Variants in NOP9 observed in about 807,000 individuals in gnomAD.
The protein encoded by NOP9 is nucleolar protein 9.
A neutral mutation model predicts 63.0 loss-of-function variants in NOP9; 50 were observed. That is an observed-to-expected ratio of 0.79 (90% CI 0.63 to 1.00). The LOEUF is 1.00. NOP9 is among the 50% of genes least tolerant of loss of function. NOP9 has a pLI of 0.00. For synonymous variants in NOP9, 343 were observed against 332.8 expected, an observed-to-expected ratio of 1.03 and a Z score of -0.33; for missense variants, 758 against 803.0, an observed-to-expected ratio of 0.94 and a Z score of 0.68.
chr14:24,283,524 G>A, the NOP9 span, among the ~76,000 whole-genome samples: 1 of 152,090 alleles, frequency 6.6e-6, no homozygotes, highest in African/African-American at 2.4e-5. Flanking sequence ...CCCTTGAGCT[G>A]GGGAGGTACA....
rs1212443320 is a variant in NOP9 at position 24,301,694 on chromosome 14, G to A, written c.780G>A (p.Leu260=). Reference sequence around the variant, plus strand: ...CCTTTTTGAATCGCCTTCAGGACCTGAGCTCCTCCTTTCTGAAGGACATTG... The same window carrying A: ...CCTTTTTGAATCGCCTTCAGGACCTAAGCTCCTCCTTTCTGAAGGACATTG... ...PETFLNRLQD[L]SSSFLKDIAV... is the part of the protein sequence containing the mutation. The change falls in exon 3 of 10, where the codon CTG becomes CTA. Residue 260 remains leucine (L), a synonymous_variant. Transcript: ENST00000267425. 1 of 1,614,144 alleles carries A rather than the reference G, an allele frequency of 6.2e-7. No individual in the cohort carries two copies. Among genetic ancestry groups the A allele is most frequent in the Non-Finnish European group, 8.5e-7 (1 of 1,180,024 alleles).
chr14:24,283,434 CAA>C, the NOP9 span, among the ~76,000 whole-genome samples: 1 of 121,432 alleles, frequency 8.2e-6, no homozygotes, highest in African/African-American at 3.1e-5. Context: ...ACTAAAAATA[CAA>C]AAAAAAAAAA....
At chr14:24,302,206 C>T (rs761833647) in intron 4 of NOP9, 26 bp from the exon 5 acceptor site, 1 of 1,604,004 alleles carries the variant, frequency 6.2e-7, no homozygotes, top group East Asian at 2.2e-5. Context: ...GGAGTTAAGA[C>T]TGCCTGATGC....
chr14:24,287,568 A>AT, the NOP9 span, among the ~76,000 whole-genome samples: 2 of 152,158 alleles, frequency 1.3e-5, no homozygotes, highest in African/African-American at 4.8e-5. Flanking sequence ...TCTCAGTCAT[A>AT]TATCTTTACT....
At chr14:24,276,855 C>G in the NOP9 span, among the ~76,000 whole-genome samples, 13 of 152,334 alleles carry the variant, frequency 8.5e-5, no homozygotes. Context: ...TGAAAGTGCA[C>G]AAATCACAGA....
Position 24,305,798 on chromosome 14 carries a change from T to A in NOP9, c.*703T>A, listed in dbSNP as rs1349825573. ...GCAGAGACAAGAGGAAATCAGATGA[T>A]TTGGAAAACTTGGGAGGAAGCCATC... On this transcript the variant is annotated 3_prime_UTR_variant, in exon 10 of 10. Transcript: ENST00000267425. The A allele has an allele frequency of 6.2e-7, 1 of 1,606,750 alleles. No individual in the cohort carries two copies. Among genetic ancestry groups the A allele is most frequent in the African/African-American group, 1.3e-5 (1 of 74,640 alleles).
At chr14:24,286,562 T>C in the NOP9 span, among the ~76,000 whole-genome samples, 4 of 152,082 alleles carry the variant, frequency 2.6e-5, no homozygotes, top group Non-Finnish European at 5.9e-5. Flanking sequence ...ACTCTGTCCT[T>C]TCTTTTATTA....
At chr14:24,287,572 C>T in the NOP9 span, among the ~76,000 whole-genome samples, 1 of 152,186 alleles carries the variant, frequency 6.6e-6, no homozygotes, top group Non-Finnish European at 1.5e-5. Flanking sequence ...AGTCATATAT[C>T]TTTACTCCAC....
the NOP9 span, among the ~76,000 whole-genome samples, chr14:24,276,529 A>C: frequency 5.9e-5 from 9 of 152,146 alleles, no homozygotes; most frequent in Non-Finnish European, 8.8e-5. Context: ...GCCTCCAAGC[A>C]ATCATCCTGC....
At chr14:24,291,577 A>G in the NOP9 span, 1 of 1,614,150 alleles carries the variant, frequency 6.2e-7, no homozygotes, top group East Asian at 2.2e-5. Context: ...GCCACCACAC[A>G]TTTGCCACTC....
Position 24,303,793 on chromosome 14 carries a change from T to G in NOP9, c.1346T>G (p.Leu449Trp). The G allele has an allele frequency of 6.2e-7, 1 of 1,614,192 alleles. No individual in the cohort carries two copies. The highest frequency in any genetic ancestry group is 8.5e-7 in the Non-Finnish European group (1 of 1,180,008). ...GCCTGTGTGCCTCTCTTTGCCACTT[T>G]GATGGCTTATGAGGTGTACTATGGA... ...QVACVPLFAT[L>W]MAYEVYYGLT... Residue 449 changes from leucine (L) to tryptophan (W), a missense_variant, in exon 7 of 10, where the codon TTG becomes TGG. By Grantham distance (61) the Leu-to-Trp change is moderately conservative. Coordinates refer to ENST00000267425, the MANE Select transcript of NOP9 (RefSeq NM_174913.3).
chr14:24,294,149 G>A, the NOP9 span: 1 of 152,066 alleles, frequency 6.6e-6, no homozygotes, highest in East Asian at 1.9e-4. Flanking sequence ...ATGATCAAAT[G>A]TGTTTATAAA....
In NOP9 at chr14:24,304,287, C is replaced by G. The variant is rs369636671; in HGVS notation, c.1647+10C>G. 6.0e-5 allele frequency: 97 copies of G among 1,608,820 alleles called. No individual in the cohort carries two copies. Among genetic ancestry groups the G allele is most frequent in the Non-Finnish European group, 8.0e-5 (94 of 1,176,042 alleles). On this transcript the variant is annotated intron_variant, in intron 8 of 9. Coordinates refer to ENST00000267425, the MANE Select transcript of NOP9 (RefSeq NM_174913.3). Reference sequence around the variant, plus strand: ...GCTGCAGAACCTAAAGGTTAGATTTCTGGCTTTTGCCTTGATTCCCCACCA... The same window carrying G: ...GCTGCAGAACCTAAAGGTTAGATTTGTGGCTTTTGCCTTGATTCCCCACCA...
At chr14:24,288,793 T>C in the NOP9 span, among the ~76,000 whole-genome samples, 1 of 152,198 alleles carries the variant, frequency 6.6e-6, no homozygotes, top group African/African-American at 2.4e-5. Flanking sequence ...CTTGAGAATT[T>C]AGGAGACAAT....
the NOP9 span, among the ~76,000 whole-genome samples, chr14:24,289,742 C>T: frequency 1.3e-5 from 2 of 152,198 alleles, no homozygotes; most frequent in Admixed American, 6.5e-5. Context: ...CATGTACTGT[C>T]GCCATGGCTG....
At chr14:24,280,729 A>G in the NOP9 span, among the ~76,000 whole-genome samples, 1 of 152,180 alleles carries the variant, frequency 6.6e-6, no homozygotes, top group African/African-American at 2.4e-5. Context: ...ACCTAAGACA[A>G]TTTCAGGGAA....
At chr14:24,291,123 G>A in the NOP9 span, 11 of 1,613,958 alleles carry the variant, frequency 6.8e-6, no homozygotes, top group Non-Finnish European at 2.5e-6. Context: ...GCTGACTGCT[G>A]TGCCAGGGTC....
chr14:24,274,488 G>C, the NOP9 span, among the ~76,000 whole-genome samples: 1 of 152,304 alleles, frequency 6.6e-6, no homozygotes, highest in East Asian at 1.9e-4. Flanking sequence ...TGCCTTTGGA[G>C]ATAAGAGCAG....
chr14:24,277,589 A>T, the NOP9 span, among the ~76,000 whole-genome samples: 1 of 152,212 alleles, frequency 6.6e-6, no homozygotes, highest in African/African-American at 2.4e-5. Context: ...ATGACTGAAT[A>T]CTTTATAGCC....
Sources: allele counts gnomAD v4.1 joint callset (sites outside exome capture counted in the v4.1 genomes callset), GRCh38; gene constraint gnomAD v4.1.1; transcripts MANE v1.5; gene names NCBI Gene and HGNC (gene_info 2026-07-23, HGNC 2026-07-21).